The following ELL2 variants were observed in gnomAD, a reference collection of about 807,000 sequenced individuals.
ELL2 encodes elongation factor for RNA polymerase II 2.
In ELL2, 21 loss-of-function variants were observed where a neutral mutation model predicts 72.8. That is an observed-to-expected ratio of 0.29 (90% CI 0.20 to 0.42). The LOEUF (loss-of-function observed/expected upper bound fraction) is 0.42. Among genes scored for constraint, ELL2 ranks in the 10% least tolerant of loss-of-function variants. The pLI, the probability that ELL2 is intolerant of heterozygous loss-of-function variation, is 1.00. For missense variants in ELL2, 568 were observed against 772.8 expected (o/e 0.73, Z 3.14); for synonymous variants, 266 against 283.2 (o/e 0.94, Z 0.61).
intron 2 of ELL2, among the ~76,000 whole-genome samples, chr5:95,926,576 G>A (rs1561503596): frequency 6.6e-6 from 1 of 152,060 alleles, no homozygotes; most frequent in Non-Finnish European, 1.5e-5. Flanking sequence ...TATTAAGCAA[G>A]GAAAAAGTAA....
chr5:95,961,663 C>G lies in ELL2; in HGVS notation c.59G>C (p.Gly20Ala), dbSNP rs201782127. Residue 20 changes from glycine (G) to alanine (A), a missense_variant, in exon 1 of 12, where the codon GGA (glycine) becomes GCA (alanine). Gly to Ala is a moderately conservative substitution (Grantham distance 60). Coordinates refer to ENST00000237853, the MANE Select transcript of ELL2 (RefSeq NM_012081.6). Reference sequence around the variant, plus strand: ...GGTGATGTTGTCCTGCCCCAGCCGTCCGCACGACAGCCCATAGCGCTGCTC... The same window carrying G: ...GGTGATGTTGTCCTGCCCCAGCCGTGCGCACGACAGCCCATAGCGCTGCTC... ...REEQRYGLSC[G>A]RLGQDNITVL... 10 of 1,609,676 alleles carry G rather than the reference C, an allele frequency of 6.2e-6. No individual in the cohort carries two copies. The highest frequency in any genetic ancestry group is 1.3e-5 in the African/African-American group (1 of 74,104).
intron 2 of ELL2, among the ~76,000 whole-genome samples, chr5:95,935,678 A>T (rs1053038760): frequency 6.6e-6 from 1 of 152,232 alleles, no homozygotes; most frequent in African/African-American, 2.4e-5. Flanking sequence ...TGTAACCTGA[A>T]CACCTCATGG....
At chr5:95,891,029 T>A in intron 10 of ELL2, 74 bp downstream of exon 10, 1 of 1,589,172 alleles carries the variant, frequency 6.3e-7, no homozygotes, top group Non-Finnish European at 8.6e-7. Context: ...CTGTGATGGC[T>A]GAGGTTGAGC....
chr5:95,927,834 CAT>C lies in ELL2; in HGVS notation c.196-8291_196-8290del, dbSNP rs1348199028. 1.9e-5 allele frequency among the ~76,000 whole-genome samples: 2 copies of C among 107,180 alleles called. 1 individual carries two copies. The highest frequency in any genetic ancestry group is 1.0e-4 in the African/African-American group (2 of 19,426). The allele number at this position is 107,180 out of a possible 152,430, so 70.3% of individuals were successfully genotyped here. On this transcript the variant is annotated intron_variant, in intron 2 of 11. Transcript: ENST00000237853. ...GTGTGTATATAGACATACACACACA[CAT>C]ATGTGTGTATATTTTACTTTGAATG...
At chr5:95,919,679 C>A in intron 2 of ELL2, 134 bp from the exon 3 acceptor site, 2 of 982,422 alleles carry the variant, frequency 2.0e-6, no homozygotes, top group Admixed American at 3.7e-5. Flanking sequence ...ATCCTCGCAG[C>A]ATTTAAATGA....
chr5:95,898,702 T>C lies in ELL2; in HGVS notation c.1063A>G (p.Thr355Ala). 1 of 1,612,488 alleles carries C rather than the reference T, an allele frequency of 6.2e-7. No individual in the cohort carries two copies. Among genetic ancestry groups the C allele is most frequent in the Non-Finnish European group, 8.5e-7 (1 of 1,179,146 alleles). ...AGGCCTGCAGCAGATTTTTCACTGG[T>C]GGGATTCAAATGACCATTTAGTGTT... The part of the protein sequence containing the change: ...PPTLNGHLNP[T>A]SEKSAAGLPL... The change falls in exon 8 of 12, where the codon ACC becomes GCC. Residue 355 changes from threonine to alanine, a missense_variant. By Grantham distance (58) the Thr-to-Ala change is moderately conservative. Transcript: ENST00000237853.
intron 5 of ELL2, among the ~76,000 whole-genome samples, chr5:95,904,869 T>C (rs1749295544): frequency 6.6e-6 from 1 of 152,218 alleles, no homozygotes; most frequent in Admixed American, 6.5e-5. Context: ...ATATGCCTGA[T>C]ATCTTTCTTG....
At chr5:95,907,454 G>C (rs1749418605) in intron 4 of ELL2, among the ~76,000 whole-genome samples, 1 of 151,970 alleles carries the variant, frequency 6.6e-6, no homozygotes, top group Non-Finnish European at 1.5e-5. Context: ...TACAAAGGAG[G>C]CCTTCACACC....
At chr5:95,917,996 G>A (rs1749888871) in intron 3 of ELL2, among the ~76,000 whole-genome samples, 1 of 152,104 alleles carries the variant, frequency 6.6e-6, no homozygotes, top group African/African-American at 2.4e-5. Flanking sequence ...TACTGGGGTG[G>A]GAATTAGAAG....
intron 7 of ELL2, chr5:95,900,385 A>G (rs1227247054): frequency 4.8e-6 from 1 of 206,984 alleles, no homozygotes; most frequent in East Asian, 1.1e-4. Context: ...ATTGTTTGGG[A>G]CTGGGTAAGT....
intron 1 of ELL2, among the ~76,000 whole-genome samples, chr5:95,956,873 T>C (rs1034097424): frequency 2.0e-5 from 3 of 152,176 alleles, no homozygotes; most frequent in African/African-American, 7.2e-5. Context: ...TAAATGGCAA[T>C]ATATATGTAC....
intron 2 of ELL2, among the ~76,000 whole-genome samples, chr5:95,941,895 T>C (rs1043917005): frequency 1.3e-5 from 2 of 152,206 alleles, no homozygotes; most frequent in African/African-American, 2.4e-5. Flanking sequence ...TAAAAAGCTA[T>C]ACAACAAAAT....
intron 3 of ELL2, among the ~76,000 whole-genome samples, chr5:95,917,469 T>C (rs148908527): frequency 1.3e-5 from 2 of 152,300 alleles, no homozygotes; most frequent in Admixed American, 6.5e-5. Context: ...GCATGCACTG[T>C]GGTCAGAGAG....
intron 4 of ELL2, among the ~76,000 whole-genome samples, chr5:95,909,539 T>C (rs79038711): frequency 6.7e-6 from 1 of 148,562 alleles, no homozygotes; most frequent in Admixed American, 6.7e-5. Context: ...AAAGAAAAAA[T>C]GAAAAAGTAA....
At chr5:95,908,356 C>T (rs1316835366) in intron 4 of ELL2, among the ~76,000 whole-genome samples, 5 of 152,152 alleles carry the variant, frequency 3.3e-5, no homozygotes, top group African/African-American at 1.2e-4. Flanking sequence ...GTAAAATCCT[C>T]ACTTAGCATT....
At chr5:95,889,234 T>G in intron 10 of ELL2, 104 bp from the exon 11 acceptor site, 1 of 922,370 alleles carries the variant, frequency 1.1e-6, no homozygotes, top group South Asian at 1.6e-5. Context: ...ATATTGACTG[T>G]GGGAATGTAA....
chr5:95,955,599 C>T (rs1382856426), intron 1 of ELL2, among the ~76,000 whole-genome samples: 1 of 152,132 alleles, frequency 6.6e-6, no homozygotes, highest in African/African-American at 2.4e-5. Context: ...GCTGTGTTTT[C>T]CAGCTTTAAT....
chr5:95,912,852 G>A (rs978629373), intron 4 of ELL2, among the ~76,000 whole-genome samples: 87 of 152,350 alleles, frequency 5.7e-4, no homozygotes, highest in Non-Finnish European at 1.1e-3. Context: ...AAATACAGAA[G>A]TAGAATGAAG....
intron 3 of ELL2, 97 bp downstream of exon 3, chr5:95,919,327 G>A (rs947463799): frequency 4.4e-5 from 61 of 1,395,900 alleles, no homozygotes; most frequent in South Asian, 5.6e-5. Flanking sequence ...TTTAATACAC[G>A]TTTATGGATG....
Sources: gnomAD v4.1 joint callset for allele counts (sites outside exome capture counted in the v4.1 genomes callset) on GRCh38, gnomAD v4.1.1 for gene constraint, MANE v1.5 for transcripts, NCBI Gene and HGNC (gene_info 2026-07-23, HGNC 2026-07-21) for gene names.